Variants in SYNPR observed in about 807,000 individuals in gnomAD.
SYNPR encodes the protein synaptoporin.
A neutral mutation model predicts 32.9 loss-of-function variants in SYNPR; 23 were observed. The ratio of observed to expected loss-of-function variants is 0.70; its 90% CI spans 0.50 to 0.99. SYNPR has a LOEUF of 0.99. Ranked by LOEUF, SYNPR falls within the 50% of genes least tolerant of loss-of-function variation. SYNPR has a pLI of 0.00. For missense variants in SYNPR, 318 were observed against 349.3 expected (o/e 0.91, Z 0.71); for synonymous variants, 146 against 135.9 (o/e 1.07, Z -0.52).
chr3:63,546,805 CAGA>C (rs1444054560), intron 3 of SYNPR, among the ~76,000 whole-genome samples: 1 of 152,064 alleles, frequency 6.6e-6, no homozygotes, highest in African/African-American at 2.4e-5. Flanking sequence ...TGTTGAAAAG[CAGA>C]AGTATAGCAC....
At chr3:63,476,313 GAGGGAAGCAAGGGAAGGA>G (rs1700918683) in intron 2 of SYNPR, among the ~76,000 whole-genome samples, 2 of 50,892 alleles carry the variant, frequency 3.9e-5, no homozygotes, top group Non-Finnish European at 8.2e-5. Flanking sequence ...GAAGGGAAGG[GAGGGAAGCAAGGGAAGGA>G]AGGGAAGGAA....
intron 4 of SYNPR, among the ~76,000 whole-genome samples, chr3:63,556,960 C>T (rs543989387): frequency 6.6e-6 from 1 of 152,146 alleles, no homozygotes; most frequent in African/African-American, 2.4e-5. Flanking sequence ...GCTAGAAACC[C>T]CTCTGAAATA....
chr3:63,265,376 C>T (rs2086476982), intron 2 of SYNPR, among the ~76,000 whole-genome samples: 1 of 151,480 alleles, frequency 6.6e-6, no homozygotes, highest in Non-Finnish European at 1.5e-5. Context: ...CTCAGCCTCC[C>T]GAGTGGCTGA....
rs141982858 is a variant in SYNPR at position 63,305,054 on chromosome 3, C to A, written c.84+26312C>A. On this transcript the variant is annotated intron_variant, in intron 2 of 5. Transcript: ENST00000478300. ...CTACCCTCCAAGATGATCCCAGTGA[C>A]CTTCTGGTATTCAAATCTTTATGCA... Among the ~76,000 whole-genome samples, 574 of 152,036 alleles carry A rather than the reference C, an allele frequency of 3.8e-3. 4 individuals are homozygous for A. The highest frequency in any genetic ancestry group is 0.012 in the African/African-American group (494 of 41,506).
intron 1 of SYNPR, among the ~76,000 whole-genome samples, chr3:63,237,891 G>C (rs537301634): frequency 2.0e-4 from 30 of 152,128 alleles, no homozygotes; most frequent in African/African-American, 7.2e-4. Context: ...GGGAGGGTTG[G>C]AGCATCTAAG....
At chr3:63,509,734 C>A (rs951105653) in intron 3 of SYNPR, among the ~76,000 whole-genome samples, 1 of 152,014 alleles carries the variant, frequency 6.6e-6, no homozygotes, top group Non-Finnish European at 1.5e-5. Context: ...TTTTGACAGA[C>A]AATAAAGGTT....
At chr3:63,409,279 T>C (rs1254682567) in intron 2 of SYNPR, among the ~76,000 whole-genome samples, 1 of 152,082 alleles carries the variant, frequency 6.6e-6, no homozygotes, top group Non-Finnish European at 1.5e-5. Context: ...AAACTAAACA[T>C]CGATTTTTTT....
chr3:63,266,305 A>G lies in SYNPR; in HGVS notation n.155-1012A>G, dbSNP rs781454179. Among the ~76,000 whole-genome samples the G allele has an allele frequency of 1.1e-4, 16 of 151,912 alleles. 1 individual carries two copies. The highest frequency in any genetic ancestry group is 2.6e-4 in the Admixed American group (4 of 15,254). On this transcript the variant is annotated intron_variant and non_coding_transcript_variant, in intron 2 of 4. Transcript: ENST00000478456. ...TATTTTCACTATTGTTACATTGCCT[A>G]TTTGACTTAGAACATTCAAATGTTG...
rs138498529 is a variant in SYNPR, at chr3:63,334,515, AGTGTGT to A, written c.84+55811_84+55816del. 9.4e-3 allele frequency among the ~76,000 whole-genome samples: 1,411 copies of A among 149,378 alleles called. 18 individuals are homozygous for A. Among genetic ancestry groups the A allele is most frequent in the African/African-American group, 0.032 (1,304 of 40,202 alleles). On this transcript the variant is annotated intron_variant, in intron 2 of 5. Transcript: ENST00000478300. ...AATTTCCAGGCAGTTGTCTCAATGA[AGTGTGT>A]GTGTGTGTGTGTGTGTGTGTGTGTG...
At chr3:63,403,874 G>A (rs1403948061) in intron 2 of SYNPR, among the ~76,000 whole-genome samples, 1 of 152,074 alleles carries the variant, frequency 6.6e-6, no homozygotes, top group African/African-American at 2.4e-5. Flanking sequence ...GCACTGAGAG[G>A]CTCTGGGAGC....
At chr3:63,509,292 A>G (rs1701648812) in intron 3 of SYNPR, among the ~76,000 whole-genome samples, 1 of 150,362 alleles carries the variant, frequency 6.7e-6, no homozygotes, top group Non-Finnish European at 1.5e-5. Flanking sequence ...GTGTGTGTAT[A>G]TATATATACA....
At chr3:63,556,395 T>A in intron 3 of SYNPR, 148 bp from the exon 4 acceptor site, 1 of 607,540 alleles carries the variant, frequency 1.6e-6, no homozygotes, top group East Asian at 2.8e-5. Context: ...AGCTATAATG[T>A]CTGTAAATTT....
chr3:63,574,149 C>G (rs1702938634), intron 4 of SYNPR, among the ~76,000 whole-genome samples: 1 of 152,076 alleles, frequency 6.6e-6, no homozygotes, highest in African/African-American at 2.4e-5. Flanking sequence ...AAAATCTGCC[C>G]TGTAATATTT....
intron 2 of SYNPR, among the ~76,000 whole-genome samples, chr3:63,373,662 G>T (rs1338193322): frequency 6.6e-6 from 1 of 152,148 alleles, no homozygotes; most frequent in African/African-American, 2.4e-5. Flanking sequence ...CATGTATCAG[G>T]ATATCTATGA....
the SYNPR span, among the ~76,000 whole-genome samples, chr3:63,211,359 G>T: frequency 6.6e-6 from 1 of 152,150 alleles, no homozygotes; most frequent in Non-Finnish European, 1.5e-5. Context: ...GAGCCACCGT[G>T]CCCGGCCAAG....
the SYNPR span, among the ~76,000 whole-genome samples, chr3:63,217,837 C>T: frequency 6.6e-6 from 1 of 152,124 alleles, no homozygotes; most frequent in Non-Finnish European, 1.5e-5. Flanking sequence ...TCCAACTCCA[C>T]CCAAAAGCAT....
At chr3:63,444,262 A>G (rs1010824839) in intron 2 of SYNPR, 1 of 152,220 alleles carries the variant, frequency 6.6e-6, no homozygotes, top group Non-Finnish European at 1.5e-5. Flanking sequence ...TGATTTTTAA[A>G]TGCATTACCT....
intron 2 of SYNPR, among the ~76,000 whole-genome samples, chr3:63,416,467 G>T (rs2088540933): frequency 4.0e-5 from 6 of 148,354 alleles, no homozygotes; most frequent in Admixed American, 3.5e-4. Context: ...GGGACGTGGA[G>T]GTTTCAGTGA....
chr3:63,477,717 G>C (rs781280803), intron 2 of SYNPR, among the ~76,000 whole-genome samples: 1 of 151,756 alleles, frequency 6.6e-6, no homozygotes, highest in African/African-American at 2.4e-5. Flanking sequence ...GCCGAGCCAC[G>C]TGCTGGCTCC....
Sources: allele counts gnomAD v4.1 joint callset (sites outside exome capture counted in the v4.1 genomes callset), GRCh38; gene constraint gnomAD v4.1.1; transcripts MANE v1.5; gene names NCBI Gene and HGNC (gene_info 2026-07-23, HGNC 2026-07-21).